The following C1QTNF3 variants were observed in gnomAD, a reference collection of about 807,000 sequenced individuals.
C1QTNF3 encodes the protein C1q and TNF related 3.
C1QTNF3 carries 26 observed loss-of-function variants against 32.6 expected under a neutral mutation model. That is an observed-to-expected ratio of 0.80 (90% confidence interval 0.58 to 1.11). C1QTNF3 has a LOEUF of 1.11. C1QTNF3 is among the 50% of genes least tolerant of loss of function. The probability of loss-of-function intolerance (pLI) is 0.00; values close to 1 mark genes in which losing one functional copy is unlikely to be tolerated. For missense variants in C1QTNF3, 362 were observed against 398.2 expected (o/e 0.91, Z 0.77); for synonymous variants, 155 against 146.0 (o/e 1.06, Z -0.44).
the C1QTNF3 span, among the ~76,000 whole-genome samples, chr5:34,217,660 A>G: frequency 6.6e-6 from 1 of 152,164 alleles, no homozygotes; most frequent in Admixed American, 6.6e-5. Flanking sequence ...GAAATGTGGT[A>G]TTGTGCACAG....
At chr5:34,120,665 TTATA>T in the C1QTNF3 span, among the ~76,000 whole-genome samples, 1 of 152,104 alleles carries the variant, frequency 6.6e-6, no homozygotes, top group Non-Finnish European at 1.5e-5. Flanking sequence ...TCTGATGGTT[TTATA>T]AAGAGGTGTT....
the C1QTNF3 span, among the ~76,000 whole-genome samples, chr5:34,058,041 G>T: frequency 6.6e-6 from 1 of 152,158 alleles, no homozygotes; most frequent in African/African-American, 2.4e-5. Context: ...AGTTTGTCCT[G>T]TTCTGTAAGA....
chr5:34,130,609 C>T, the C1QTNF3 span, among the ~76,000 whole-genome samples: 1 of 152,132 alleles, frequency 6.6e-6, no homozygotes, highest in Non-Finnish European at 1.5e-5. Flanking sequence ...AGAATTCTGT[C>T]TTCAAAGGGT....
the C1QTNF3 span, among the ~76,000 whole-genome samples, chr5:34,139,061 A>G: frequency 6.6e-6 from 1 of 152,134 alleles, no homozygotes; most frequent in Non-Finnish European, 1.5e-5. Context: ...GATGAAGCTT[A>G]GACATATTGT....
the C1QTNF3 span, among the ~76,000 whole-genome samples, chr5:34,194,290 T>C: frequency 6.6e-6 from 1 of 152,296 alleles, no homozygotes; most frequent in Non-Finnish European, 1.5e-5. Context: ...CTGCTTCCAT[T>C]GCTAATTCCC....
the C1QTNF3 span, among the ~76,000 whole-genome samples, chr5:34,143,659 T>C: frequency 2.0e-5 from 3 of 152,172 alleles, no homozygotes; most frequent in African/African-American, 7.2e-5. Flanking sequence ...GAAATTCCAA[T>C]GAAGACTTTC....
the C1QTNF3 span, among the ~76,000 whole-genome samples, chr5:34,064,722 CA>C: frequency 6.6e-6 from 1 of 152,140 alleles, no homozygotes; most frequent in Admixed American, 6.5e-5. Context: ...CAAACTGTAA[CA>C]AACACAGACC....
intron 3 of C1QTNF3, among the ~76,000 whole-genome samples, chr5:34,030,649 A>G (rs1450610197): frequency 1.3e-5 from 2 of 152,352 alleles, no homozygotes; most frequent in African/African-American, 2.4e-5. Flanking sequence ...AACTTTTGTC[A>G]CTATTCACAA....
the C1QTNF3 span, among the ~76,000 whole-genome samples, chr5:34,154,351 C>A: frequency 6.6e-6 from 1 of 152,040 alleles, no homozygotes; most frequent in African/African-American, 2.4e-5. Flanking sequence ...TCAAAATAGG[C>A]ATTCGTCCTT....
chr5:34,229,189 TAAA>T, the C1QTNF3 span, among the ~76,000 whole-genome samples: 5 of 152,006 alleles, frequency 3.3e-5, no homozygotes, highest in Admixed American at 6.6e-5. Flanking sequence ...AGAAATGTCT[TAAA>T]AAGAAGAGAA....
chr5:34,072,821 T>A, the C1QTNF3 span, among the ~76,000 whole-genome samples: 1 of 152,380 alleles, frequency 6.6e-6, no homozygotes, highest in Admixed American at 6.5e-5. Flanking sequence ...CTGTCTTGTT[T>A]ATTTTTCATG....
At chr5:34,067,767 G>A in the C1QTNF3 span, among the ~76,000 whole-genome samples, 24 of 152,166 alleles carry the variant, frequency 1.6e-4, no homozygotes, top group Non-Finnish European at 2.9e-4. Flanking sequence ...AGAAGAATAT[G>A]AAACAAATTT....
chr5:34,032,865 T>C (rs186103514), intron 3 of C1QTNF3, among the ~76,000 whole-genome samples: 87 of 152,288 alleles, frequency 5.7e-4, no homozygotes, highest in African/African-American at 2.0e-3. Context: ...TATTTATGTA[T>C]GGATTAGTAT....
the C1QTNF3 span, among the ~76,000 whole-genome samples, chr5:34,068,482 T>C: frequency 6.6e-6 from 1 of 151,952 alleles, no homozygotes; most frequent in Middle Eastern, 3.4e-3. Context: ...GTTAACTTAA[T>C]TCTCATAAAC....
chr5:34,129,823 G>T, the C1QTNF3 span, among the ~76,000 whole-genome samples: 1 of 151,716 alleles, frequency 6.6e-6, no homozygotes, highest in Non-Finnish European at 1.5e-5. Context: ...ATTAATCAGA[G>T]TGCCTAATGG....
chr5:34,077,755 G>T, the C1QTNF3 span, among the ~76,000 whole-genome samples: 1 of 151,426 alleles, frequency 6.6e-6, no homozygotes, highest in Non-Finnish European at 1.5e-5. Context: ...AGTGTCTAAA[G>T]ACTGTCCCCT....
the C1QTNF3 span, among the ~76,000 whole-genome samples, chr5:34,129,851 CAATT>C: frequency 6.6e-6 from 1 of 151,844 alleles, no homozygotes; most frequent in Non-Finnish European, 1.5e-5. Context: ...TTAGTCCAAT[CAATT>C]ATTTTCTTCA....
At chr5:34,221,064 T>C in the C1QTNF3 span, among the ~76,000 whole-genome samples, 1 of 152,108 alleles carries the variant, frequency 6.6e-6, no homozygotes, top group African/African-American at 2.4e-5. Flanking sequence ...AAGAAATCTT[T>C]TCTTGAAGAG....
At chr5:34,157,809 G>T in the C1QTNF3 span, among the ~76,000 whole-genome samples, 12 of 152,282 alleles carry the variant, frequency 7.9e-5, no homozygotes, top group Admixed American at 6.5e-4. Flanking sequence ...TTTTAGTTCA[G>T]TGAGACCCAT....
Sources: gnomAD v4.1 joint callset for allele counts (sites outside exome capture counted in the v4.1 genomes callset) on GRCh38, gnomAD v4.1.1 for gene constraint, MANE v1.5 for transcripts, NCBI Gene and HGNC (gene_info 2026-07-23, HGNC 2026-07-21) for gene names.